The following GRIK2 variants were observed in gnomAD, a reference collection of about 807,000 sequenced individuals.
The protein encoded by GRIK2 is glutamate ionotropic receptor kainate type subunit 2.
GRIK2 carries 32 observed loss-of-function variants against 100.3 expected under a neutral mutation model. The observed-to-expected ratio is 0.32, with a 90% CI of 0.24 to 0.43. The LOEUF is 0.43. Among genes scored for constraint, GRIK2 ranks in the 20% least tolerant of loss-of-function variants. GRIK2 has a pLI of 1.00. For missense variants in GRIK2, 843 were observed against 1,114.9 expected (o/e 0.76, Z 3.47); for synonymous variants, 417 against 389.4 (o/e 1.07, Z -0.83).
At chr6:101,606,559 C>G (rs1779444787) in intron 2 of GRIK2, among the ~76,000 whole-genome samples, 1 of 152,000 alleles carries the variant, frequency 6.6e-6, no homozygotes, top group Non-Finnish European at 1.5e-5. Flanking sequence ...AACTAACTTG[C>G]TTAAAGTTCA....
intron 7 of GRIK2, among the ~76,000 whole-genome samples, chr6:101,709,497 A>AAATGAATCTCATATCT (rs1246655268): frequency 2.6e-5 from 4 of 151,892 alleles, no homozygotes; most frequent in African/African-American, 7.2e-5. Context: ...ATTTAAAACT[A>AAATGAATCTCATATCT]AATGAATCTC....
chr6:101,978,203 A>G (rs547213658), intron 14 of GRIK2, among the ~76,000 whole-genome samples: 3 of 152,046 alleles, frequency 2.0e-5, no homozygotes, highest in South Asian at 2.1e-4. Context: ...TGATGGGTTA[A>G]AAGTCTGTAT....
intron 2 of GRIK2, among the ~76,000 whole-genome samples, chr6:101,486,857 A>T (rs775266679): frequency 1.4e-5 from 2 of 147,090 alleles, no homozygotes; most frequent in South Asian, 4.3e-4. Context: ...CCAAGTCCTG[A>T]CAAGAATGTA....
Position 101,486,338 on chromosome 6 carries a change from T to A in GRIK2, c.115+86946T>A, listed in dbSNP as rs78314093. On this transcript the variant is annotated intron_variant, in intron 2 of 16. Coordinates refer to ENST00000369134, the MANE Select transcript of GRIK2 (RefSeq NM_021956.5). ...CCATGGGATTATTGTCAGATCAGCA[T>A]GTCTGTAGCCGAACTTGAAAAGCAG... Among the ~76,000 whole-genome samples the A allele has an allele frequency of 2.4e-3, 308 of 130,484 alleles. 2 individuals carry two copies. Among genetic ancestry groups the A allele is most frequent in the African/African-American group, 8.5e-3 (298 of 34,936 alleles). 85.6% of individuals were successfully genotyped at this position (130,484 alleles called of 152,430 possible). A position where few individuals can be genotyped will look rare whatever the true frequency, so the allele number is the denominator to read the frequency against.
intron 16 of GRIK2, among the ~76,000 whole-genome samples, chr6:102,064,639 T>C (rs987771914): frequency 4.6e-5 from 7 of 151,190 alleles, no homozygotes; most frequent in African/African-American, 1.7e-4. Flanking sequence ...TACTTAATGA[T>C]AATACGTTAG....
chr6:101,979,724 G>A (rs1793603061), intron 14 of GRIK2, among the ~76,000 whole-genome samples: 1 of 151,766 alleles, frequency 6.6e-6, no homozygotes, highest in South Asian at 2.1e-4. Context: ...GGTGATAGAG[G>A]GACACGAAAA....
At chr6:101,849,719 A>G (rs901027136) in intron 10 of GRIK2, among the ~76,000 whole-genome samples, 1 of 151,268 alleles carries the variant, frequency 6.6e-6, no homozygotes, top group Admixed American at 6.6e-5. Flanking sequence ...TTTTGTTTCA[A>G]TTGCCGTAAT....
Position 101,765,315 on chromosome 6 carries a change from A to C in GRIK2, c.952-34333A>C, listed in dbSNP as rs114846790. 2.8e-3 allele frequency among the ~76,000 whole-genome samples: 429 copies of C among 152,258 alleles called. 2 individuals are homozygous for C. The highest frequency in any genetic ancestry group is 8.7e-3 in the African/African-American group (361 of 41,558). ...CCCTACATATATCTTGCTTATGTTTATCTCTCTAGCATTAGCTTAGTGCCT... is the reference window on the plus strand; with the variant it reads ...CCCTACATATATCTTGCTTATGTTTCTCTCTCTAGCATTAGCTTAGTGCCT... On this transcript the variant is annotated intron_variant, in intron 7 of 16. Transcript: ENST00000369134.
chr6:101,991,823 T>A, intron 14 of GRIK2, among the ~76,000 whole-genome samples: 1 of 151,574 alleles, frequency 6.6e-6, no homozygotes, highest in East Asian at 1.9e-4. Context: ...TTCTATGTTT[T>A]CCTCTTGCTT....
chr6:101,553,299 A>G (rs1776597373), intron 2 of GRIK2, among the ~76,000 whole-genome samples: 1 of 152,200 alleles, frequency 6.6e-6, no homozygotes, highest in Admixed American at 6.5e-5. Flanking sequence ...GGGTGTATCA[A>G]TGTATTATAG....
chr6:101,953,130 T>C (rs1791708204), intron 14 of GRIK2, among the ~76,000 whole-genome samples: 1 of 152,218 alleles, frequency 6.6e-6, no homozygotes, highest in South Asian at 2.1e-4. Context: ...AATAATATTG[T>C]ACTACATTGA....
chr6:101,519,380 G>A (rs1774758364), intron 2 of GRIK2, among the ~76,000 whole-genome samples: 1 of 150,294 alleles, frequency 6.7e-6, no homozygotes, highest in South Asian at 2.1e-4. Flanking sequence ...CTCAGGCAGG[G>A]TTCTAAGTAC....
chr6:101,955,829 A>C (rs1791901714), intron 14 of GRIK2, among the ~76,000 whole-genome samples: 1 of 151,604 alleles, frequency 6.6e-6, no homozygotes, highest in Non-Finnish European at 1.5e-5. Flanking sequence ...AGTATTGTTG[A>C]TCTTTTCAAA....
At chr6:101,436,308 A>T (rs1769708804) in intron 2 of GRIK2, among the ~76,000 whole-genome samples, 1 of 152,046 alleles carries the variant, frequency 6.6e-6, no homozygotes, top group Non-Finnish European at 1.5e-5. Flanking sequence ...TTCCTACAAT[A>T]TGTTTTTTGA....
At chr6:101,432,502 G>A (rs923286660) in intron 2 of GRIK2, among the ~76,000 whole-genome samples, 2 of 152,106 alleles carry the variant, frequency 1.3e-5, no homozygotes, top group Admixed American at 6.6e-5. Flanking sequence ...TTTATTGAAC[G>A]CCTAACAGGT....
intron 16 of GRIK2, among the ~76,000 whole-genome samples, chr6:102,058,314 C>G (rs1265420930): frequency 6.6e-6 from 1 of 151,634 alleles, no homozygotes; most frequent in African/African-American, 2.4e-5. Context: ...TCAATTAGTG[C>G]CTGGTGGCAT....
At chr6:101,922,631 A>G (rs529616724) in intron 12 of GRIK2, among the ~76,000 whole-genome samples, 2 of 152,258 alleles carry the variant, frequency 1.3e-5, no homozygotes, top group East Asian at 1.9e-4. Context: ...TAACCCATAC[A>G]ATCCTTTAGA....
intron 13 of GRIK2, among the ~76,000 whole-genome samples, chr6:101,926,550 A>G (rs1789918068): frequency 6.6e-6 from 1 of 152,210 alleles, no homozygotes; most frequent in South Asian, 2.1e-4. Context: ...ACTTGCTATT[A>G]GTAGTATTTA....
At position 101,923,070 on chromosome 6, in the gene GRIK2, T is replaced by A. The variant is rs577789209; in HGVS notation, c.1749-1531T>A. Among the ~76,000 whole-genome samples the A allele has an allele frequency of 5.0e-4, 76 of 152,280 alleles. 1 individual carries two copies. The highest frequency in any genetic ancestry group is 1.8e-3 in the African/African-American group (76 of 41,570). The stretch of plus-strand genomic sequence containing the variant: ...CTTAGAGAACCAAACAAAACACTTT[T>A]TTGTTTGTCAAGGATAGGCTATTAA... On this transcript the variant is annotated intron_variant, in intron 12 of 16. Coordinates refer to ENST00000369134, the MANE Select transcript of GRIK2 (RefSeq NM_021956.5).
Sources: allele counts gnomAD v4.1 joint callset (sites outside exome capture counted in the v4.1 genomes callset), GRCh38; gene constraint gnomAD v4.1.1; transcripts MANE v1.5; gene names NCBI Gene and HGNC (gene_info 2026-07-23, HGNC 2026-07-21).